Variants in UBE2D3 observed in about 807,000 individuals in gnomAD.
UBE2D3 encodes the protein ubiquitin-conjugating enzyme E2 D3.
A neutral mutation model predicts 22.8 loss-of-function variants in UBE2D3; 2 were observed. That is an observed-to-expected ratio of 0.09 (90% CI 0.04 to 0.28). The LOEUF (loss-of-function observed/expected upper bound fraction) is 0.28. Ranked by LOEUF, UBE2D3 falls within the 10% of genes least tolerant of loss-of-function variation. The probability of loss-of-function intolerance (pLI) is 1.00; values close to 1 mark genes in which losing one functional copy is unlikely to be tolerated. For missense variants in UBE2D3, 27 were observed against 182.5 expected (o/e 0.15, Z 4.91); for synonymous variants, 56 against 60.4 (o/e 0.93, Z 0.34).
chr4:102,868,773 TATCCTTTCTGCTGGTCTCCAGC>T (rs1560899361), exon 1 of UBE2D3: 2 of 1,614,006 alleles, frequency 1.2e-6, no homozygotes, highest in Non-Finnish European at 1.7e-6. Context: ...TCGCACACAG[TATCCTTTCTGCTGGTCTCCAGC>T]ATCTACAGAC....
intron 7 of UBE2D3, among the ~76,000 whole-genome samples, chr4:102,798,126 C>T (rs991599231): frequency 3.3e-5 from 5 of 151,254 alleles, no homozygotes; most frequent in East Asian, 3.9e-4. Flanking sequence ...AGGGCATCTT[C>T]GTTTAAAAAG....
chr4:102,838,630 G>GT (rs1731556009), intron 1 of UBE2D3, among the ~76,000 whole-genome samples: 2 of 152,178 alleles, frequency 1.3e-5, no homozygotes, highest in Middle Eastern at 3.4e-3. Context: ...GTAACACCTA[G>GT]TTTTCTTGGT....
intron 1 of UBE2D3, chr4:102,827,160 T>A: frequency 1.0e-6 from 1 of 986,884 alleles, no homozygotes; most frequent in South Asian, 4.6e-5. Flanking sequence ...CACTCCGCCT[T>A]CCAGCGCGCT....
chr4:102,846,593 A>G (rs982109199), intron 1 of UBE2D3, among the ~76,000 whole-genome samples: 5 of 152,108 alleles, frequency 3.3e-5, no homozygotes, highest in South Asian at 4.1e-4. Flanking sequence ...TGACTAGGCT[A>G]TGTTGGGATA....
rs1252503153 is a variant in UBE2D3, at chr4:102,795,741, T to G, written c.*1674A>C. The G allele has an allele frequency of 6.6e-6, 1 of 152,068 alleles. No individual in the cohort carries two copies. The highest frequency in any genetic ancestry group is 1.9e-4 in the East Asian group (1 of 5,198). 9.4% of individuals were successfully genotyped at this position (152,068 alleles called of 1,614,324 possible). A position where few individuals can be genotyped will look rare whatever the true frequency, so the allele number is the denominator to read the frequency against. On this transcript the variant is annotated 3_prime_UTR_variant, in exon 8 of 8. Transcript: ENST00000453744. ...ACATTTATTTCTAGCTTTCCACATG[T>G]GTGTGCAGACAAGGAATAAGATTGC... is the stretch of plus-strand genomic sequence containing the variant.
At chr4:102,801,303 A>G (rs1726115776) in intron 6 of UBE2D3, 151 bp downstream of exon 6, 2 of 600,792 alleles carry the variant, frequency 3.3e-6, no homozygotes, top group Non-Finnish European at 5.5e-6. Flanking sequence ...TTTAATCAAC[A>G]CCACTAAAAG....
In UBE2D3 at chr4:102,798,840, T is replaced by G. The variant is rs1725657835; in HGVS notation, c.398+567A>C. 7 of 1,227,406 alleles carry G rather than the reference T, an allele frequency of 5.7e-6. No homozygotes were observed. The Middle Eastern group carries it at 1.2e-3, about 202-fold the overall frequency. 76.0% of individuals were successfully genotyped at this position (1,227,406 alleles called of 1,614,324 possible). ...GAAGACTGCCATATTTGTTACCTTT[T>G]GTTAGTTAATACAGTGCCTTAACGC... On this transcript the variant is annotated intron_variant, in intron 7 of 7. Transcript: ENST00000453744.
At chr4:102,842,358 C>T (rs1731802674) in intron 1 of UBE2D3, among the ~76,000 whole-genome samples, 1 of 151,886 alleles carries the variant, frequency 6.6e-6, no homozygotes, top group Non-Finnish European at 1.5e-5. Context: ...TGAGACCAGC[C>T]TGGGCAACAT....
chr4:102,822,695 G>A (rs1729804261), intron 2 of UBE2D3, among the ~76,000 whole-genome samples: 1 of 150,508 alleles, frequency 6.6e-6, no homozygotes, highest in Admixed American at 6.6e-5. Flanking sequence ...CAGCACTTTG[G>A]GAGGCTGAGG....
chr4:102,864,129 T>G (rs13147651), intron 1 of UBE2D3, among the ~76,000 whole-genome samples: 1 of 152,212 alleles, frequency 6.6e-6, no homozygotes, highest in Non-Finnish European at 1.5e-5. Flanking sequence ...TCAGTGAATA[T>G]ACACAACACA....
In UBE2D3 at chr4:102,827,481, G is replaced by C. The variant is rs939009429; in HGVS notation, c.-183C>G. On this transcript the variant is annotated 5_prime_UTR_variant, in exon 1 of 8. Coordinates refer to ENST00000453744, the MANE Select transcript of UBE2D3 (RefSeq NM_181891.3). ...GCCTCGGCCTCCTCCCCGCGCGGCA[G>C]CTGGTGCCTCCCCGGCCCTACGGGG... 2 of 986,224 alleles carry C rather than the reference G, an allele frequency of 2.0e-6. No individual in the cohort carries two copies. The highest frequency in any genetic ancestry group is 2.4e-6 in the Non-Finnish European group (2 of 830,194). The allele number at this position is 986,224 out of a possible 1,614,324, so 61.1% of individuals were successfully genotyped here. A position where few individuals can be genotyped will look rare whatever the true frequency, so the allele number is the denominator to read the frequency against.
chr4:102,841,130 A>T (rs1731734705), intron 1 of UBE2D3, among the ~76,000 whole-genome samples: 1 of 152,182 alleles, frequency 6.6e-6, no homozygotes. Context: ...AATAAATTGG[A>T]CAGAACAGAT....
In UBE2D3 at chr4:102,834,289, T is replaced by C. The variant is rs551436080; in HGVS notation, c.-128-7653A>G. Among the ~76,000 whole-genome samples, 7 of 152,330 alleles carry C rather than the reference T, an allele frequency of 4.6e-5. No individual in the cohort carries two copies. In the East Asian group the frequency reaches 1.4e-3, roughly 29 times the overall value. On this transcript the variant is annotated intron_variant, in intron 1 of 7. Transcript: ENST00000338145. The stretch of plus-strand genomic sequence containing the variant: ...TCTGTTAAGTTTTCATAAGGGTTTT[T>C]ATTTCTGCAAGTATGACTTTAGTGT...
chr4:102,809,397 A>C (rs942463941), intron 4 of UBE2D3: 1 of 414,970 alleles, frequency 2.4e-6, no homozygotes, highest in African/African-American at 2.0e-5. Context: ...TGCTTTACAC[A>C]GTGCTATGTA....
At chr4:102,817,197 C>T (rs916279933) in intron 2 of UBE2D3, among the ~76,000 whole-genome samples, 3 of 152,166 alleles carry the variant, frequency 2.0e-5, no homozygotes, top group African/African-American at 4.8e-5. Flanking sequence ...ACAGAGTACA[C>T]CAGGAGAGTG....
At chr4:102,805,672 T>C (rs1014449770) in intron 4 of UBE2D3, among the ~76,000 whole-genome samples, 7 of 152,100 alleles carry the variant, frequency 4.6e-5, no homozygotes, top group Admixed American at 6.6e-5. Flanking sequence ...GGTATTCTTA[T>C]AGGTTGATTT....
At chr4:102,858,184 T>C (rs1205396795) in intron 1 of UBE2D3, among the ~76,000 whole-genome samples, 1 of 152,002 alleles carries the variant, frequency 6.6e-6, no homozygotes. Context: ...AATGTACAAA[T>C]AAAACACCAT....
chr4:102,802,908 A>G (rs1362971224), intron 4 of UBE2D3, among the ~76,000 whole-genome samples: 3 of 152,236 alleles, frequency 2.0e-5, no homozygotes, highest in Admixed American at 2.0e-4. Flanking sequence ...CTAGATCTCA[A>G]TTCTCAAAAG....
chr4:102,854,657 C>A (rs1300236401), intron 1 of UBE2D3, among the ~76,000 whole-genome samples: 2 of 152,112 alleles, frequency 1.3e-5, no homozygotes, highest in Admixed American at 6.6e-5. Flanking sequence ...GCAGATCTTT[C>A]TTTATTTACT....
Sources: gnomAD v4.1 joint callset for allele counts (sites outside exome capture counted in the v4.1 genomes callset) on GRCh38, gnomAD v4.1.1 for gene constraint, MANE v1.5 for transcripts, NCBI Gene and HGNC (gene_info 2026-07-23, HGNC 2026-07-21) for gene names.